Variants in SECISBP2 observed in about 807,000 individuals in gnomAD.
SECISBP2 encodes the protein selenocysteine insertion sequence-binding protein 2.
A neutral mutation model predicts 98.2 loss-of-function variants in SECISBP2; 96 were observed. The ratio of observed to expected loss-of-function variants is 0.98; its 90% confidence interval spans 0.83 to 1.16. The LOEUF (loss-of-function observed/expected upper bound fraction) is 1.16, where lower values mean the gene tolerates loss of function less well. Among genes scored for constraint, SECISBP2 ranks in the 50% most tolerant of loss-of-function variants. The probability of loss-of-function intolerance (pLI) is 0.00; values close to 1 mark genes in which losing one functional copy is unlikely to be tolerated. For missense variants in SECISBP2, 1,046 were observed against 1,022.9 expected (o/e 1.02, Z -0.31); for synonymous variants, 407 against 370.2 (o/e 1.10, Z -1.14).
chr9:89,360,518 A>T (rs1832681659), downstream of SECISBP2, among the ~76,000 whole-genome samples: 1 of 152,184 alleles, frequency 6.6e-6, no homozygotes, highest in Non-Finnish European at 1.5e-5. Context: ...TAGTTCTGTG[A>T]TATTTGTTTT....
rs930803880 is a variant in SECISBP2, at chr9:89,329,106, G to A, written c.801+220G>A. The A allele has an allele frequency of 7.6e-5, 37 of 484,532 alleles. No individual in the cohort carries two copies. In the East Asian group the frequency reaches 9.8e-4, roughly 13 times the overall value. The allele number at this position is 484,532 out of a possible 1,614,324, so 30.0% of individuals were successfully genotyped here. A position where few individuals can be genotyped will look rare whatever the true frequency, so the allele number is the denominator to read the frequency against. Reference sequence around the variant, plus strand: ...AGTGCAGCTATTGTTTTATTTGTGCGTTTTGTTTTGTTTTGTTTTGTTTTT... The same window carrying A: ...AGTGCAGCTATTGTTTTATTTGTGCATTTTGTTTTGTTTTGTTTTGTTTTT... On this transcript the variant is annotated intron_variant, in intron 5 of 16. Coordinates refer to ENST00000375807, the MANE Select transcript of SECISBP2 (RefSeq NM_024077.5).
chr9:89,353,144 G>A (rs1269035487), intron 14 of SECISBP2, among the ~76,000 whole-genome samples: 1 of 152,128 alleles, frequency 6.6e-6, no homozygotes, highest in Non-Finnish European at 1.5e-5. Context: ...AGAGGGCTGG[G>A]GAAAACACAG....
chr9:89,358,520 GC>G (rs1284242379), intron 16 of SECISBP2, among the ~76,000 whole-genome samples, 200 bp from the exon 17 acceptor site: 1 of 152,182 alleles, frequency 6.6e-6, no homozygotes, highest in African/African-American at 2.4e-5. Flanking sequence ...ATAGAAGATG[GC>G]CCCCCAGCTT....
chr9:89,336,081 C>CTTTTTTTTTTTTTTTTTTTTTTTTTTT lies in SECISBP2; in HGVS notation c.1089+1352_1089+1378dup, dbSNP rs59799418. Among the ~76,000 whole-genome samples, 52 of 33,058 alleles carry CTTTTTTTTTTTTTTTTTTTTTTTTTTT rather than the reference C, an allele frequency of 1.6e-3. 13 individuals carry two copies. Among genetic ancestry groups the CTTTTTTTTTTTTTTTTTTTTTTTTTTT allele is most frequent in the Admixed American group, 2.4e-3 (5 of 2,094 alleles). The allele number at this position is 33,058 out of a possible 152,430, so 21.7% of individuals were successfully genotyped here. A position where few individuals can be genotyped will look rare whatever the true frequency, so the allele number is the denominator to read the frequency against. On this transcript the variant is annotated intron_variant, in intron 7 of 16. Coordinates refer to ENST00000375807, the MANE Select transcript of SECISBP2 (RefSeq NM_024077.5). ...TTTTTCCCTTAAGTAATTTTAAGTG[C>CTTTTTTTTTTTTTTTTTTTTTTTTTTT]TTTTTTTTTTTTTTTTTTTTTTTTT...
downstream of SECISBP2, chr9:89,361,927 A>C (rs1054736608): frequency 5.8e-6 from 1 of 172,578 alleles, no homozygotes; most frequent in African/African-American, 2.4e-5. Context: ...AGCAGGCTTG[A>C]TTTGCATCAA....
intron 12 of SECISBP2, among the ~76,000 whole-genome samples, chr9:89,349,147 TCA>T (rs1830885277): frequency 6.6e-6 from 1 of 152,260 alleles, no homozygotes; most frequent in South Asian, 2.1e-4. Flanking sequence ...ACTATGTTTT[TCA>T]ACCTTGCCAT....
In SECISBP2 at chr9:89,357,568, G is replaced by A; in HGVS notation, c.2268+3G>A. ...TCTTCAGCTATGATGGGGCCCAGGT[G>A]AGTGCACAGGGCACAGGCCTCTTCA... On this transcript the variant is annotated splice_donor_region_variant and intron_variant, in intron 15 of 16. Transcript: ENST00000375807. The A allele has an allele frequency of 6.2e-7, 1 of 1,613,058 alleles. No homozygotes were observed.
intron 14 of SECISBP2, among the ~76,000 whole-genome samples, chr9:89,353,054 GGT>G (rs1487983859): frequency 1.4e-4 from 21 of 152,100 alleles, no homozygotes; most frequent in Non-Finnish European, 4.4e-5. Context: ...TGGAAATCCG[GGT>G]GTGTGGCTGC....
rs763470303 is a variant in SECISBP2, at chr9:89,334,743, A to G, written c.1089+13A>G. ...TCCTACCCAAAAGGTACGTGTCACT[A>G]GAGACAGAAAGTAGGATGGTGGTTG... On this transcript the variant is annotated intron_variant, in intron 7 of 16. Coordinates refer to ENST00000375807, the MANE Select transcript of SECISBP2 (RefSeq NM_024077.5). The G allele has an allele frequency of 1.0e-5, 16 of 1,597,078 alleles. No homozygotes were observed. Among genetic ancestry groups the G allele is most frequent in the Admixed American group, 1.7e-5 (1 of 59,996 alleles).
chr9:89,346,910 A>C lies in SECISBP2; in HGVS notation c.1464A>C (p.Glu488Asp). Residue 488 changes from glutamate to aspartate, a missense_variant, in exon 11 of 17, where the codon GAA (glutamate) becomes GAC (aspartate). Physicochemically the swap from Glu to Asp is conservative, Grantham distance 45. Transcript: ENST00000375807. Reference protein sequence around the residue: ...SVGAVPVLSKECASGERGRRM... With the variant: ...SVGAVPVLSKDCASGERGRRM... Reference sequence around the variant, plus strand: ...GAGCAGTGCCAGTCCTTTCCAAAGAATGTGCATCAGGGGAGAGAGGCCGCC... The same window carrying C: ...GAGCAGTGCCAGTCCTTTCCAAAGACTGTGCATCAGGGGAGAGAGGCCGCC... The C allele has an allele frequency of 6.2e-7, 1 of 1,614,118 alleles. No homozygotes were observed. Among genetic ancestry groups the C allele is most frequent in the Non-Finnish European group, 8.5e-7 (1 of 1,180,014 alleles).
chr9:89,358,880 T>C lies in SECISBP2; in HGVS notation c.*56T>C, dbSNP rs1228546362. 1.3e-5 allele frequency: 13 copies of C among 1,023,734 alleles called. No individual in the cohort carries two copies. The allele number at this position is 1,023,734 out of a possible 1,614,324, so 63.4% of individuals were successfully genotyped here. ...TAAGGAGGGGAGGTCTGAAAAAGACTTTGGGGCTTTTTCTTCTGTTTTTCA... is the reference window on the plus strand; with the variant it reads ...TAAGGAGGGGAGGTCTGAAAAAGACCTTGGGGCTTTTTCTTCTGTTTTTCA... On this transcript the variant is annotated 3_prime_UTR_variant, in exon 17 of 17. Transcript: ENST00000375807.
intron 1 of SECISBP2, 116 bp downstream of exon 1, chr9:89,318,728 C>G: frequency 1.6e-6 from 2 of 1,244,642 alleles, no homozygotes; most frequent in Non-Finnish European, 2.1e-6. Context: ...ATGCTGGTGA[C>G]GGCACGGGAG....
chr9:89,359,896 A>G (rs1043274635), downstream of SECISBP2, among the ~76,000 whole-genome samples: 3 of 152,198 alleles, frequency 2.0e-5, no homozygotes, highest in East Asian at 1.9e-4. Flanking sequence ...ACCACAGCCA[A>G]TGGCAGGAAA....
chr9:89,326,055 A>G lies in SECISBP2; in HGVS notation c.574+17A>G, dbSNP rs1261409398. The G allele has an allele frequency of 3.1e-6, 5 of 1,608,934 alleles. No individual in the cohort carries two copies. Among genetic ancestry groups the G allele is most frequent in the East Asian group, 2.2e-5 (1 of 44,860 alleles). On this transcript the variant is annotated intron_variant, in intron 4 of 16. Coordinates refer to ENST00000375807, the MANE Select transcript of SECISBP2 (RefSeq NM_024077.5). Reference sequence around the variant, plus strand: ...TGAAATCAGGTAAAAATAACCAACAATGTAGTATAATGCGAGCCTACTCCT... The same window carrying G: ...TGAAATCAGGTAAAAATAACCAACAGTGTAGTATAATGCGAGCCTACTCCT...
chr9:89,358,972 T>A lies in SECISBP2; in HGVS notation c.*148T>A, dbSNP rs1485573364. On this transcript the variant is annotated 3_prime_UTR_variant, in exon 17 of 17. Transcript: ENST00000375807. ...CAGCATTAAAGGGCACATGAAGCAG[T>A]GTCTGCAGGCGTTCAGTGCTGCGGA... 1.5e-6 allele frequency: 1 copy of A among 675,630 alleles called. No homozygotes were observed. Among genetic ancestry groups the A allele is most frequent in the Non-Finnish European group, 2.7e-6 (1 of 374,646 alleles). 41.9% of individuals were successfully genotyped at this position (675,630 alleles called of 1,614,324 possible). A position where few individuals can be genotyped will look rare whatever the true frequency, so the allele number is the denominator to read the frequency against.
chr9:89,357,712 T>G, intron 15 of SECISBP2, 147 bp downstream of exon 15: 1 of 1,023,680 alleles, frequency 9.8e-7, no homozygotes, highest in Non-Finnish European at 1.5e-6. Flanking sequence ...CAGAACCTTC[T>G]TATAAAAAAG....
the SECISBP2 span, chr9:89,367,111 A>G: frequency 7.2e-5 from 11 of 152,640 alleles, no homozygotes; most frequent in African/African-American, 2.4e-4. Flanking sequence ...AAGATGTTAA[A>G]GAAGTACTTA....
chr9:89,349,722 AGT>A, intron 12 of SECISBP2, 52 bp from the exon 13 acceptor site: 1 of 1,602,212 alleles, frequency 6.2e-7, no homozygotes, highest in South Asian at 1.1e-5. Flanking sequence ...CCAGCCCCTC[AGT>A]GTGTGCACTG....
chr9:89,343,262 A>G (rs1829922548), intron 10 of SECISBP2, among the ~76,000 whole-genome samples: 2 of 152,220 alleles, frequency 1.3e-5, no homozygotes, highest in Non-Finnish European at 1.5e-5. Flanking sequence ...ATTTTCCACC[A>G]TAGGCTTTTA....
Sources: gnomAD v4.1 joint callset for allele counts (sites outside exome capture counted in the v4.1 genomes callset) on GRCh38, gnomAD v4.1.1 for gene constraint, MANE v1.5 for transcripts, NCBI Gene and HGNC (gene_info 2026-07-23, HGNC 2026-07-21) for gene names.